CYLC1: variants seen among roughly 807,000 people sequenced by gnomAD.
CYLC1 encodes the protein cylicin 1.
CYLC1 carries 2 observed loss-of-function variants against 31.6 expected under a neutral mutation model. That is an observed-to-expected ratio of 0.06 (90% CI 0.03 to 0.20). The LOEUF (loss-of-function observed/expected upper bound fraction) is 0.20, where lower values mean the gene tolerates loss of function less well. Among genes scored for constraint, CYLC1 ranks in the 10% least tolerant of loss-of-function variants. The pLI is 1.00. For synonymous variants in CYLC1, 185 were observed against 153.0 expected (o/e 1.21, Z -1.54); for missense variants, 595 against 424.1 (o/e 1.40, Z -3.54).
In CYLC1 at chrX:83,872,968, G is replaced by T. The variant is rs1433282327; in HGVS notation, c.260G>T (p.Trp87Leu). 8.3e-7 allele frequency: 1 copy of T among 1,203,149 alleles called. No individual in the cohort carries two copies. The part of the protein sequence containing the change: ...IRHSFRKILQ[W>L]PPIYTAAREQ... ...CATTCTTTCAGAAAAATTTTGCAAT[G>T]GCCACCCATTTACACAGCTGCCAGG... The change falls in exon 4 of 5, where the codon TGG (tryptophan) becomes TTG (leucine). Residue 87 changes from tryptophan (W) to leucine (L), a missense_variant. Trp to Leu is a moderately conservative substitution (Grantham distance 61). Coordinates refer to ENST00000329312, the MANE Select transcript of CYLC1 (RefSeq NM_021118.3).
intron 3 of CYLC1, 24 bp from the exon 4 acceptor site, chrX:83,872,862 T>A: frequency 9.6e-7 from 1 of 1,045,910 alleles, no homozygotes; most frequent in Non-Finnish European, 1.3e-6. Context: ...CACAAATGCT[T>A]ATTATTCTAA....
chrX:83,873,180 G>A lies in CYLC1; in HGVS notation c.472G>A (p.Ala158Thr). ...AGAGAAAACTAAAAGACAAAATGAG[G>A]CAGATAAAACTCCCTTAAAATCATC... ...VEEKTKRQNE[A>T]DKTPLKSSHE... is the part of the protein sequence containing the mutation. The change falls in exon 4 of 5, where the codon GCA becomes ACA. Residue 158 changes from alanine (A) to threonine (T), a missense_variant. By Grantham distance (58) the Ala-to-Thr change is moderately conservative. Transcript: ENST00000329312. 1.7e-6 allele frequency: 2 copies of A among 1,205,405 alleles called. No individual in the cohort carries two copies. The highest frequency in any genetic ancestry group is 2.2e-6 in the Non-Finnish European group (2 of 892,332).
At position 83,873,581 on chromosome X, in the gene CYLC1, T is replaced by G; in HGVS notation, c.873T>G (p.Asn291Lys). The G allele has an allele frequency of 5.0e-6, 6 of 1,192,770 alleles. No individual in the cohort carries two copies. The African/African-American group carries it at 8.8e-5, about 18-fold the overall frequency. ...TKYTKKDTKKNAKKSSDAESE... is the reference protein window; with the variant it reads ...TKYTKKDTKKKAKKSSDAESE... ...ATACAAAGAAGGACACAAAAAAGAATGCAAAGAAAAGCTCTGATGCTGAAT... is the reference window on the plus strand; with the variant it reads ...ATACAAAGAAGGACACAAAAAAGAAGGCAAAGAAAAGCTCTGATGCTGAAT... Residue 291 changes from asparagine (N) to lysine (K), a missense_variant, in exon 4 of 5, where the codon AAT becomes AAG. Transcript: ENST00000329312.
At chrX:83,870,059 A>G (rs187818129) in intron 2 of CYLC1, among the ~76,000 whole-genome samples, 154 bp downstream of exon 2, 96 of 111,665 alleles carry the variant, frequency 8.6e-4, no homozygotes, top group South Asian at 7.0e-3. Context: ...ATATTTATAT[A>G]TGTATGTTGG....
chrX:83,879,216 A>T (rs1387843454), intron 4 of CYLC1, among the ~76,000 whole-genome samples: 2 of 110,419 alleles, frequency 1.8e-5, no homozygotes, highest in African/African-American at 6.6e-5. Flanking sequence ...ACGTAAAGAA[A>T]AGCTAATCAT....
intron 4 of CYLC1, among the ~76,000 whole-genome samples, chrX:83,876,469 A>T (rs1337377518): frequency 9.0e-6 from 1 of 111,523 alleles, no homozygotes; most frequent in Admixed American, 9.6e-5. Flanking sequence ...GAATACAAGG[A>T]TTAATTTTAA....
rs756874458 is a variant in CYLC1, at chrX:83,874,595, G to A, written c.1887G>A (p.Met629Ile). 2.5e-6 allele frequency: 3 copies of A among 1,203,746 alleles called. No individual in the cohort carries two copies. The highest frequency in any genetic ancestry group is 1.8e-5 in the South Asian group (1 of 55,478). Residue 629 changes from methionine to isoleucine, a missense_variant, in exon 4 of 5, where the codon ATG (methionine) becomes ATA (isoleucine). By Grantham distance (10) the Met-to-Ile change is conservative. Transcript: ENST00000329312. ...PKVRRLCWCKMPPPPPKPRYA... is the reference protein window; with the variant it reads ...PKVRRLCWCKIPPPPPKPRYA... Reference sequence around the variant, plus strand: ...TCAGACGTCTTTGTTGGTGCAAGATGCCTCCTCCACCTCCAAAACCAAGAT... The same window carrying A: ...TCAGACGTCTTTGTTGGTGCAAGATACCTCCTCCACCTCCAAAACCAAGAT...
chrX:83,865,856 T>C (rs1276436819), intron 1 of CYLC1, among the ~76,000 whole-genome samples: 1 of 111,858 alleles, frequency 8.9e-6, no homozygotes, highest in African/African-American at 3.3e-5. Context: ...TCATTTGCCA[T>C]GTACGGTAAG....
intron 4 of CYLC1, 53 bp from the exon 5 acceptor site, chrX:83,886,499 A>G: frequency 7.1e-6 from 8 of 1,130,302 alleles, no homozygotes; most frequent in Non-Finnish European, 8.5e-6. Flanking sequence ...GTCTTGATTA[A>G]TAGACAAATA....
In CYLC1 at chrX:83,874,107, G is replaced by C; in HGVS notation, c.1399G>C (p.Asp467His). The change falls in exon 4 of 5, where the codon GAT (aspartate) becomes CAT (histidine). Residue 467 changes from aspartate (D) to histidine (H), a missense_variant. Transcript: ENST00000329312. ...GKKDEKKGKK[D>H]SKKDDKKKDA... ...AAAGGATGAAAAGAAGGGGAAGAAA[G>C]ATTCAAAGAAAGATGACAAAAAGAA... The C allele has an allele frequency of 8.3e-7, 1 of 1,202,926 alleles. No individual in the cohort carries two copies. The highest frequency in any genetic ancestry group is 1.1e-6 in the Non-Finnish European group (1 of 891,821).
intron 4 of CYLC1, among the ~76,000 whole-genome samples, chrX:83,881,962 C>T (rs1602310683): frequency 9.0e-6 from 1 of 110,523 alleles, no homozygotes; most frequent in Non-Finnish European, 1.9e-5. Flanking sequence ...TCCCAAAGTG[C>T]TGGGATTACA....
intron 2 of CYLC1, 131 bp from the exon 3 acceptor site, chrX:83,871,321 T>G: frequency 2.6e-6 from 1 of 382,633 alleles, no homozygotes; most frequent in Non-Finnish European, 4.4e-6. Context: ...CTAGGAACTC[T>G]GAGGAAAAAA....
intron 4 of CYLC1, among the ~76,000 whole-genome samples, chrX:83,877,389 T>C (rs923746021): frequency 9.0e-6 from 1 of 111,239 alleles, no homozygotes; most frequent in African/African-American, 3.3e-5. Context: ...GCTGGGATTG[T>C]AGGTGTAAGC....
intron 1 of CYLC1, among the ~76,000 whole-genome samples, chrX:83,864,988 A>G (rs1004969967): frequency 9.0e-6 from 1 of 110,995 alleles, no homozygotes; most frequent in Non-Finnish European, 1.9e-5. Context: ...AGTATACAAT[A>G]TCATCCATTC....
At chrX:83,878,418 T>TAA (rs2031851921) in intron 4 of CYLC1, among the ~76,000 whole-genome samples, 1 of 53,540 alleles carries the variant, frequency 1.9e-5, no homozygotes, top group Non-Finnish European at 3.3e-5. Flanking sequence ...TATAAATATA[T>TAA]ATAAATATAT....
chrX:83,869,733 C>A, intron 1 of CYLC1, 132 bp from the exon 2 acceptor site: 1 of 279,795 alleles, frequency 3.6e-6, no homozygotes, highest in Non-Finnish European at 5.7e-6. Flanking sequence ...TAAGACAGTT[C>A]CAAATCACTG....
At chrX:83,868,954 T>C (rs2031628499) in intron 1 of CYLC1, among the ~76,000 whole-genome samples, 1 of 111,044 alleles carries the variant, frequency 9.0e-6, no homozygotes, top group East Asian at 2.8e-4. Flanking sequence ...TGCATTGAAT[T>C]AATACTTGAA....
At chrX:83,878,412 AAT>A (rs2031851196) in intron 4 of CYLC1, among the ~76,000 whole-genome samples, 1 of 24,964 alleles carries the variant, frequency 4.0e-5, no homozygotes, top group African/African-American at 1.4e-4. Flanking sequence ...AATATATATA[AAT>A]ATATATAAAT....
At chrX:83,871,688 T>C (rs757061367) in intron 3 of CYLC1, 118 bp downstream of exon 3, 1 of 651,356 alleles carries the variant, frequency 1.5e-6, no homozygotes, top group African/African-American at 2.3e-5. Context: ...TTTTTAAATT[T>C]GTAATTCTCT....
Sources: allele counts gnomAD v4.1 joint callset (sites outside exome capture counted in the v4.1 genomes callset), GRCh38; gene constraint gnomAD v4.1.1; transcripts MANE v1.5; gene names NCBI Gene and HGNC (gene_info 2026-07-23, HGNC 2026-07-21).